ELAPOR2: variants seen among roughly 807,000 people sequenced by gnomAD.
The protein encoded by ELAPOR2 is endosome-lysosome associated apoptosis and autophagy regulator family member 2.
A neutral mutation model predicts 120.7 loss-of-function variants in ELAPOR2; 89 were observed. The ratio of observed to expected loss-of-function variants is 0.74; its 90% confidence interval spans 0.62 to 0.88. The LOEUF (loss-of-function observed/expected upper bound fraction) is 0.88. ELAPOR2 is among the 40% of genes least tolerant of loss of function. The pLI is 0.00. For missense variants in ELAPOR2, 1,134 were observed against 1,251.6 expected, an observed-to-expected ratio of 0.91 and a Z score of 1.42; for synonymous variants, 444 against 444.9, an observed-to-expected ratio of 1.00 and a Z score of 0.03.
intron 12 of ELAPOR2, among the ~76,000 whole-genome samples, chr7:86,916,100 T>C (rs1173269723): frequency 1.3e-5 from 2 of 152,166 alleles, no homozygotes; most frequent in African/African-American, 4.8e-5. Context: ...GGAAAGAAAA[T>C]GGCAGACTTT....
At chr7:86,929,790 G>A (rs561207253) in intron 8 of ELAPOR2, among the ~76,000 whole-genome samples, 3 of 151,894 alleles carry the variant, frequency 2.0e-5, no homozygotes, top group South Asian at 2.1e-4. Flanking sequence ...TTAGGTCATG[G>A]GGGCAGATTT....
chr7:87,023,493 T>C (rs1310715959), intron 1 of ELAPOR2, among the ~76,000 whole-genome samples: 1 of 152,146 alleles, frequency 6.6e-6, no homozygotes, highest in African/African-American at 2.4e-5. Context: ...TGAAGTCAGG[T>C]AGTGTGATGC....
chr7:86,909,154 T>G (rs1789175216), intron 16 of ELAPOR2, among the ~76,000 whole-genome samples: 1 of 152,046 alleles, frequency 6.6e-6, no homozygotes, highest in Admixed American at 6.6e-5. Context: ...ACCTTGGTGC[T>G]GAAAGTCAAT....
chr7:86,994,389 T>C (rs907981429), intron 1 of ELAPOR2, among the ~76,000 whole-genome samples: 2 of 152,192 alleles, frequency 1.3e-5, no homozygotes, highest in African/African-American at 4.8e-5. Flanking sequence ...ATAAACATTG[T>C]CAAGTTAGTA....
Position 86,914,859 on chromosome 7 carries a change from T to A in ELAPOR2, c.1595A>T (p.Asp532Val). 1 of 1,606,468 alleles carries A rather than the reference T, an allele frequency of 6.2e-7. No homozygotes were observed. The highest frequency in any genetic ancestry group is 8.5e-7 in the Non-Finnish European group (1 of 1,176,680). The change falls in exon 13 of 22, where the codon GAT becomes GTT. Residue 532 changes from aspartate (D) to valine (V), a missense_variant and splice_region_variant. Coordinates refer to ENST00000450689, the MANE Select transcript of ELAPOR2 (RefSeq NM_001142749.3). ...CACATTTGTACTTTTTCTATTAATA[T>A]CCTGAAATATAGTGGAAAAACTATA... ...SADCVLYFMV[D>V]INRKSTNVVE...
rs546304783 is a variant in ELAPOR2 at position 86,893,338 on chromosome 7, C to A, written c.2686-238G>T. On this transcript the variant is annotated intron_variant, in intron 19 of 21. Transcript: ENST00000450689. ...AATTAATGAATGAAAAATGTAAAAA[C>A]CAAATAAAGACATGGATTGATGGAT... Among the ~76,000 whole-genome samples the A allele has an allele frequency of 7.9e-5, 12 of 151,746 alleles. No individual in the cohort carries two copies. In the South Asian group the frequency reaches 2.3e-3, roughly 29 times the overall value.
chr7:86,908,352 A>G, intron 17 of ELAPOR2, 95 bp downstream of exon 17: 1 of 670,424 alleles, frequency 1.5e-6, no homozygotes, highest in Non-Finnish European at 2.6e-6. Flanking sequence ...ATATGATTAC[A>G]TACCCATAAT....
At chr7:86,980,853 T>C (rs182395423) in intron 1 of ELAPOR2, among the ~76,000 whole-genome samples, 27 of 152,278 alleles carry the variant, frequency 1.8e-4, no homozygotes, top group African/African-American at 5.1e-4. Context: ...ATGATTAACG[T>C]TTCCCCCATT....
At chr7:86,997,343 A>G (rs1421278897) in intron 1 of ELAPOR2, among the ~76,000 whole-genome samples, 1 of 152,320 alleles carries the variant, frequency 6.6e-6, no homozygotes, top group African/African-American at 2.4e-5. Flanking sequence ...AGATTCTCAT[A>G]TAAGTGCTAA....
chr7:86,953,011 G>A (rs1791325638), intron 2 of ELAPOR2, among the ~76,000 whole-genome samples: 1 of 151,198 alleles, frequency 6.6e-6, no homozygotes, highest in South Asian at 2.1e-4. Context: ...CATGAGAATT[G>A]CTTGAGCCTG....
At chr7:86,905,198 GA>G (rs1201332041) in intron 18 of ELAPOR2, among the ~76,000 whole-genome samples, 7 of 150,380 alleles carry the variant, frequency 4.7e-5, no homozygotes, top group African/African-American at 1.7e-4. Context: ...GAGAGAGAGA[GA>G]GAGAGAAAGA....
At chr7:86,905,332 C>A (rs1281478474) in intron 18 of ELAPOR2, among the ~76,000 whole-genome samples, 3 of 148,774 alleles carry the variant, frequency 2.0e-5, no homozygotes, top group African/African-American at 4.9e-5. Context: ...AAAAAAAAAC[C>A]AAAACAAACA....
chr7:86,984,131 C>T (rs973725348), intron 1 of ELAPOR2, among the ~76,000 whole-genome samples: 1 of 152,116 alleles, frequency 6.6e-6, no homozygotes, highest in Non-Finnish European at 1.5e-5. Context: ...ACAAGAAGAG[C>T]TAACTGTCCT....
chr7:86,939,901 A>T, intron 6 of ELAPOR2, 109 bp downstream of exon 6: 1 of 565,404 alleles, frequency 1.8e-6, no homozygotes, highest in Non-Finnish European at 3.0e-6. Flanking sequence ...CTAACATATT[A>T]ATTTCTGTTC....
At chr7:86,989,677 C>T (rs1057107383) in intron 1 of ELAPOR2, among the ~76,000 whole-genome samples, 6 of 152,154 alleles carry the variant, frequency 3.9e-5, no homozygotes, top group Non-Finnish European at 8.8e-5. Flanking sequence ...TCTGCGGCTG[C>T]GTCTTCGCCT....
chr7:86,901,656 A>G (rs1188446728), intron 18 of ELAPOR2, among the ~76,000 whole-genome samples: 3 of 152,198 alleles, frequency 2.0e-5, no homozygotes, highest in Admixed American at 6.5e-5. Flanking sequence ...GGGAAAGGCC[A>G]CAGTTTTGTG....
At chr7:87,003,001 G>A (rs1036420441) in intron 1 of ELAPOR2, among the ~76,000 whole-genome samples, 1 of 152,064 alleles carries the variant, frequency 6.6e-6, no homozygotes. Context: ...GGAGGAAGAA[G>A]GTAATGACTA....
At chr7:86,897,892 G>T (rs1788519486) in intron 18 of ELAPOR2, among the ~76,000 whole-genome samples, 2 of 152,122 alleles carry the variant, frequency 1.3e-5, no homozygotes, top group Admixed American at 1.3e-4. Context: ...ATGCACAGCT[G>T]ATAGGAATGT....
At chr7:86,889,072 G>T (rs187029164) in intron 21 of ELAPOR2, among the ~76,000 whole-genome samples, 6 of 152,022 alleles carry the variant, frequency 3.9e-5, no homozygotes, top group African/African-American at 1.4e-4. Context: ...AGAAAAGGTG[G>T]TATAAAATTT....
Sources: allele counts gnomAD v4.1 joint callset (sites outside exome capture counted in the v4.1 genomes callset), GRCh38; gene constraint gnomAD v4.1.1; transcripts MANE v1.5; gene names NCBI Gene and HGNC (gene_info 2026-07-23, HGNC 2026-07-21).